The following SPAG16 variants were observed in gnomAD, a reference collection of about 807,000 sequenced individuals.
SPAG16 encodes the protein sperm-associated antigen 16 protein.
SPAG16 carries 86 observed loss-of-function variants against 80.4 expected under a neutral mutation model. The observed-to-expected ratio is 1.07, with a 90% confidence interval of 0.90 to 1.28. The LOEUF (loss-of-function observed/expected upper bound fraction) is 1.28, where lower values mean the gene tolerates loss of function less well. Ranked by LOEUF, SPAG16 falls within the 50% of genes most tolerant of loss-of-function variation. The probability of loss-of-function intolerance (pLI) is 0.00; values close to 1 mark genes in which losing one functional copy is unlikely to be tolerated. For synonymous variants in SPAG16, 294 were observed against 265.9 expected, an observed-to-expected ratio of 1.11 and a Z score of -1.03; for missense variants, 870 against 765.3, an observed-to-expected ratio of 1.14 and a Z score of -1.61.
chr2:213,496,138 A>G (rs888009491), intron 10 of SPAG16, among the ~76,000 whole-genome samples: 3 of 152,236 alleles, frequency 2.0e-5, no homozygotes, highest in Non-Finnish European at 4.4e-5. Flanking sequence ...TAGACTAGTT[A>G]GCAACTATTT....
chr2:214,031,611 TAAA>T (rs2048418053), intron 13 of SPAG16, among the ~76,000 whole-genome samples: 1 of 78,832 alleles, frequency 1.3e-5, no homozygotes, highest in Admixed American at 1.6e-4. Flanking sequence ...TAAAATAAAA[TAAA>T]ATAAAATAAA....
intron 15 of SPAG16, among the ~76,000 whole-genome samples, chr2:214,338,803 G>A (rs1697472257): frequency 6.6e-6 from 1 of 152,148 alleles, no homozygotes; most frequent in South Asian, 2.1e-4. Flanking sequence ...TGATTCTCCA[G>A]TGCCTCTGTC....
At chr2:213,380,736 C>G (rs1175595438) in intron 9 of SPAG16, among the ~76,000 whole-genome samples, 1 of 152,156 alleles carries the variant, frequency 6.6e-6, no homozygotes, top group Non-Finnish European at 1.5e-5. Flanking sequence ...GCTCCATAAT[C>G]CAAGAGGCCT....
At chr2:213,511,730 T>C (rs899447717) in intron 10 of SPAG16, among the ~76,000 whole-genome samples, 1 of 152,094 alleles carries the variant, frequency 6.6e-6, no homozygotes, top group African/African-American at 2.4e-5. Context: ...TAGTGAGATT[T>C]CTTGCCTTTC....
At chr2:213,443,912 T>G (rs78300042) in intron 9 of SPAG16, among the ~76,000 whole-genome samples, 3,541 of 152,194 alleles carry the variant, frequency 0.023, 58 homozygotes, top group African/African-American at 0.038. Context: ...CAGGCTCCTG[T>G]AGGTCGATTG....
At chr2:213,877,152 CTT>C in intron 11 of SPAG16, among the ~76,000 whole-genome samples, 1 of 152,240 alleles carries the variant, frequency 6.6e-6, no homozygotes, top group Middle Eastern at 3.4e-3. Context: ...ACCCCAAACT[CTT>C]TTCTTCATCC....
chr2:214,359,223 C>A (rs955843116), intron 15 of SPAG16, among the ~76,000 whole-genome samples: 2 of 151,752 alleles, frequency 1.3e-5, no homozygotes, highest in African/African-American at 4.8e-5. Flanking sequence ...TATTTCTATT[C>A]CCATTATATA....
At chr2:213,872,561 A>G (rs1178223962) in intron 11 of SPAG16, among the ~76,000 whole-genome samples, 1 of 152,016 alleles carries the variant, frequency 6.6e-6, no homozygotes, top group Non-Finnish European at 1.5e-5. Flanking sequence ...TTCCTTTCTC[A>G]TCTAGATACC....
chr2:213,600,263 G>C (rs2061017317), intron 10 of SPAG16, among the ~76,000 whole-genome samples: 1 of 152,030 alleles, frequency 6.6e-6, no homozygotes, highest in South Asian at 2.1e-4. Context: ...TAACACATAC[G>C]TTATGCATCT....
rs77332267 is a variant in SPAG16 at position 213,887,338 on chromosome 2, C to T, written c.1214+24710C>T. ...TGTGACAGTTCCTCCATTGTTTTTT[C>T]GTTTTGTTTTGTTTTGTTTTTGACA... is the stretch of plus-strand genomic sequence containing the variant. On this transcript the variant is annotated intron_variant, in intron 11 of 15. Coordinates refer to ENST00000331683, the MANE Select transcript of SPAG16 (RefSeq NM_024532.5). Among the ~76,000 whole-genome samples the T allele has an allele frequency of 3.7e-3, 563 of 151,714 alleles. 14 individuals are homozygous for T. The East Asian group carries it at 0.042, about 11-fold the overall frequency.
chr2:213,916,515 A>G (rs1349279346), intron 11 of SPAG16, among the ~76,000 whole-genome samples: 1 of 152,178 alleles, frequency 6.6e-6, no homozygotes, highest in African/African-American at 2.4e-5. Context: ...GGGTTACTGT[A>G]GCCTTGTAGT....
At chr2:213,698,940 G>A (rs141259004) in intron 10 of SPAG16, among the ~76,000 whole-genome samples, 75 of 152,300 alleles carry the variant, frequency 4.9e-4, no homozygotes, top group African/African-American at 1.7e-3. Flanking sequence ...CAAGTACAAC[G>A]CATAGTACCT....
chr2:213,472,932 T>A (rs566335908), intron 9 of SPAG16, among the ~76,000 whole-genome samples: 27 of 152,190 alleles, frequency 1.8e-4, no homozygotes, highest in Non-Finnish European at 2.8e-4. Flanking sequence ...GGGAGAAAGA[T>A]TAACAGCATA....
intron 10 of SPAG16, among the ~76,000 whole-genome samples, chr2:213,741,423 A>G (rs898749622): frequency 6.6e-6 from 1 of 152,184 alleles, no homozygotes; most frequent in African/African-American, 2.4e-5. Flanking sequence ...AAAAACCAGA[A>G]GCAAATATCT....
chr2:214,099,092 ACT>A (rs2052808398), intron 13 of SPAG16, among the ~76,000 whole-genome samples: 1 of 152,026 alleles, frequency 6.6e-6, no homozygotes, highest in Admixed American at 6.6e-5. Flanking sequence ...TTTAAAACCC[ACT>A]CTGATTGTTT....
intron 15 of SPAG16, among the ~76,000 whole-genome samples, chr2:214,229,285 G>C (rs763411639): frequency 1.3e-4 from 20 of 151,908 alleles, no homozygotes; most frequent in South Asian, 4.1e-4. Flanking sequence ...GTGGTTCCTG[G>C]AACATGAGGT....
chr2:213,596,860 A>G (rs1257774686), intron 10 of SPAG16, among the ~76,000 whole-genome samples: 2 of 152,108 alleles, frequency 1.3e-5, no homozygotes, highest in Admixed American at 6.5e-5. Context: ...ACTTCTGATT[A>G]TTTGACCCCC....
intron 15 of SPAG16, among the ~76,000 whole-genome samples, chr2:214,246,120 GACAA>G (rs1422912114): frequency 1.3e-5 from 2 of 151,194 alleles, no homozygotes; most frequent in Non-Finnish European, 2.9e-5. Flanking sequence ...GAAACCTGTT[GACAA>G]ACAAAAAAAA....
intron 15 of SPAG16, among the ~76,000 whole-genome samples, chr2:214,202,044 G>T (rs867989242): frequency 7.9e-5 from 12 of 151,986 alleles, no homozygotes; most frequent in Non-Finnish European, 1.6e-4. Flanking sequence ...ATGGGGTTTT[G>T]CCACATTGCC....
Sources: gnomAD v4.1 joint callset for allele counts (sites outside exome capture counted in the v4.1 genomes callset) on GRCh38, gnomAD v4.1.1 for gene constraint, MANE v1.5 for transcripts, NCBI Gene and HGNC (gene_info 2026-07-23, HGNC 2026-07-21) for gene names.